NRP1: variants seen among roughly 807,000 people sequenced by gnomAD.
NRP1 encodes neuropilin-1.
NRP1 carries 35 observed loss-of-function variants against 106.7 expected under a neutral mutation model. The observed-to-expected ratio is 0.33, with a 90% confidence interval of 0.25 to 0.43. NRP1 has a LOEUF of 0.43. Among genes scored for constraint, NRP1 ranks in the 20% least tolerant of loss-of-function variants. NRP1 has a pLI of 1.00. For missense variants in NRP1, 1,024 were observed against 1,170.4 expected, an observed-to-expected ratio of 0.87 and a Z score of 1.83; for synonymous variants, 437 against 417.9, an observed-to-expected ratio of 1.05 and a Z score of -0.56.
intron 12 of NRP1, 56 bp downstream of exon 12, chr10:33,197,594 C>A (rs778357530): frequency 7.1e-7 from 1 of 1,400,664 alleles, no homozygotes; most frequent in Non-Finnish European, 9.9e-7. Context: ...AGGAGCGCAG[C>A]CGCGGAGAGA....
chr10:33,201,948 T>A (rs2132696463), intron 11 of NRP1: 1 of 152,324 alleles, frequency 6.6e-6, no homozygotes, highest in East Asian at 1.9e-4. Context: ...CATTAGCCAA[T>A]AACATGGCTT....
intron 2 of NRP1, among the ~76,000 whole-genome samples, chr10:33,276,557 G>C (rs1356492899): frequency 1.3e-5 from 2 of 152,280 alleles, no homozygotes; most frequent in East Asian, 3.9e-4. Flanking sequence ...CCCTGAGCTG[G>C]GAGAGCACAG....
chr10:33,311,805 A>C (rs988823359), intron 2 of NRP1, among the ~76,000 whole-genome samples: 5 of 152,234 alleles, frequency 3.3e-5, no homozygotes, highest in African/African-American at 1.2e-4. Flanking sequence ...GTTCAACATC[A>C]ATCTCAGGAC....
At chr10:33,301,122 A>G (rs1845771443) in intron 2 of NRP1, among the ~76,000 whole-genome samples, 1 of 152,232 alleles carries the variant, frequency 6.6e-6, no homozygotes. Context: ...ATGTTGTATT[A>G]TTCAAATAGG....
At chr10:33,332,312 C>T (rs1352276518) in intron 1 of NRP1, among the ~76,000 whole-genome samples, 1 of 152,168 alleles carries the variant, frequency 6.6e-6, no homozygotes, top group African/African-American at 2.4e-5. Context: ...AAAATCTCAG[C>T]TAATGATCAT....
intron 1 of NRP1, among the ~76,000 whole-genome samples, chr10:33,332,270 G>C (rs1848337043): frequency 6.6e-6 from 1 of 152,172 alleles, no homozygotes. Flanking sequence ...TGTAAGCTTT[G>C]CCAGGAAGAA....
intron 2 of NRP1, among the ~76,000 whole-genome samples, chr10:33,311,261 C>A (rs2132790014): frequency 6.6e-6 from 1 of 152,254 alleles, no homozygotes; most frequent in Admixed American, 6.5e-5. Context: ...TAGAGAGCAC[C>A]AGCAACCAGG....
intron 3 of NRP1, among the ~76,000 whole-genome samples, chr10:33,264,573 G>A (rs1211175341): frequency 2.0e-5 from 3 of 152,076 alleles, no homozygotes; most frequent in South Asian, 2.1e-4. Context: ...AGTATAGTAC[G>A]CCATTCTAAA....
intron 2 of NRP1, among the ~76,000 whole-genome samples, chr10:33,310,622 A>ATTAACATCC (rs1360544672): frequency 6.6e-6 from 1 of 152,148 alleles, no homozygotes; most frequent in East Asian, 1.9e-4. Context: ...TTGTATCATC[A>ATTAACATCC]TTAACATCCT....
chr10:33,199,276 G>T (rs1213819036), intron 11 of NRP1, among the ~76,000 whole-genome samples: 1 of 147,286 alleles, frequency 6.8e-6, no homozygotes, highest in Non-Finnish European at 1.5e-5. Context: ...GGCTCACTGT[G>T]GCCTCAAACT....
intron 8 of NRP1, among the ~76,000 whole-genome samples, chr10:33,218,509 G>C (rs12357458): frequency 0.28 from 42,531 of 151,288 alleles, 6,365 homozygotes; most frequent in East Asian, 0.62. Context: ...CCACACCTGG[G>C]TAATTTTTTG....
chr10:33,320,636 T>G (rs914062606), intron 2 of NRP1, among the ~76,000 whole-genome samples: 3 of 152,226 alleles, frequency 2.0e-5, no homozygotes, highest in Admixed American at 6.5e-5. Context: ...CCATATGACC[T>G]ACTGTGGGTC....
At chr10:33,259,438 T>C (rs749611299) in intron 4 of NRP1, among the ~76,000 whole-genome samples, 41 of 152,228 alleles carry the variant, frequency 2.7e-4, no homozygotes, top group Middle Eastern at 3.2e-3. Context: ...GTGGATGAAG[T>C]ACTCTTATCC....
At chr10:33,226,088 C>A in intron 7 of NRP1, 46 bp downstream of exon 7, 2 of 1,590,926 alleles carry the variant, frequency 1.3e-6, no homozygotes, top group Non-Finnish European at 1.7e-6. Context: ...AATTGATCAT[C>A]CATTTAAAAG....
intron 2 of NRP1, among the ~76,000 whole-genome samples, chr10:33,294,680 G>T (rs1845255560): frequency 6.6e-6 from 1 of 151,490 alleles, no homozygotes; most frequent in Admixed American, 6.6e-5. Context: ...GGGACCAGAA[G>T]AGTAAGTATC....
intron 1 of NRP1, 59 bp downstream of exon 1, chr10:33,334,251 G>C (rs1564499846): frequency 4.7e-6 from 7 of 1,478,652 alleles, no homozygotes; most frequent in African/African-American, 1.4e-5. Context: ...GCCCCGGTCC[G>C]GGGCGGGCAG....
intron 2 of NRP1, among the ~76,000 whole-genome samples, chr10:33,291,500 G>A (rs765930185): frequency 4.6e-5 from 7 of 152,196 alleles, no homozygotes; most frequent in Non-Finnish European, 8.8e-5. Flanking sequence ...GTAATTTGGA[G>A]ACAAGACTTT....
chr10:33,332,865 A>G (rs903214684), intron 1 of NRP1, among the ~76,000 whole-genome samples: 3 of 127,820 alleles, frequency 2.3e-5, no homozygotes, highest in African/African-American at 8.5e-5. Flanking sequence ...GATTTCTGCT[A>G]AGAAAACTAA....
Position 33,334,331 on chromosome 10 carries a change from G to A in NRP1, c.52C>T (p.Pro18Ser). 4 of 1,544,616 alleles carry A rather than the reference G, an allele frequency of 2.6e-6. No individual in the cohort carries two copies. Among genetic ancestry groups the A allele is most frequent in the Non-Finnish European group, 3.5e-6 (4 of 1,146,878 alleles). Residue 18 changes from proline to serine, a missense_variant, in exon 1 of 17, where the codon CCG (proline) becomes TCG (serine). Pro to Ser is a moderately conservative substitution (Grantham distance 74, BLOSUM62 -1). This residue lies in a region of NRP1 where 279 missense variants were observed against 327.4 expected (regional missense o/e 0.85). Coordinates refer to ENST00000374867, the MANE Select transcript of NRP1 (RefSeq NM_003873.7). ...LCAVLALVLAPAGAFRNDKCG... is the reference protein window; with the variant it reads ...LCAVLALVLASAGAFRNDKCG... ...TTACCGTTGCGAAAAGCGCCGGCCGGGGCGAGGACGAGGGCGAGCACGGCG... is the reference window on the plus strand; with the variant it reads ...TTACCGTTGCGAAAAGCGCCGGCCGAGGCGAGGACGAGGGCGAGCACGGCG...
Sources: allele counts gnomAD v4.1 joint callset (sites outside exome capture counted in the v4.1 genomes callset), GRCh38; gene constraint gnomAD v4.1.1; regional missense constraint gnomAD v4.1.1; transcripts MANE v1.5; gene names NCBI Gene and HGNC (gene_info 2026-07-23, HGNC 2026-07-21).